Variants in ATR observed in about 807,000 individuals in gnomAD.
ATR encodes the protein ATR checkpoint kinase, also known as serine/threonine-protein kinase ATR.
Under a neutral mutation model 305.3 loss-of-function variants are expected in ATR, and 142 were observed. The observed-to-expected ratio is 0.47, with a 90% confidence interval of 0.41 to 0.53. The LOEUF is 0.53. Among genes scored for constraint, ATR ranks in the 20% least tolerant of loss-of-function variants. The pLI is 0.00. For synonymous variants in ATR, 1,050 were observed against 1,068.1 expected (o/e 0.98, Z 0.33); for missense variants, 2,135 against 3,133.1 (o/e 0.68, Z 7.60).
intron 27 of ATR, among the ~76,000 whole-genome samples, chr3:142,509,464 T>G (rs564782063): frequency 6.6e-6 from 1 of 151,618 alleles, no homozygotes; most frequent in East Asian, 1.9e-4. Flanking sequence ...ACACCTAGCC[T>G]AAGGTAGTAT....
chr3:142,481,310 C>A (rs1401765453), intron 36 of ATR, among the ~76,000 whole-genome samples: 2 of 152,156 alleles, frequency 1.3e-5, no homozygotes, highest in Non-Finnish European at 2.9e-5. Flanking sequence ...ATGAGATGAT[C>A]ATATGGTTTT....
At chr3:142,516,228 G>C (rs1416200896) in intron 24 of ATR, among the ~76,000 whole-genome samples, 1 of 152,058 alleles carries the variant, frequency 6.6e-6, no homozygotes, top group Non-Finnish European at 1.5e-5. Context: ...TAGTCTGTAT[G>C]GTCCTTCACT....
Position 142,499,732 on chromosome 3 carries a change from C to A in ATR, c.5289-14G>T, listed in dbSNP as rs926546429. 7 of 1,607,624 alleles carry A rather than the reference C, an allele frequency of 4.4e-6. No individual in the cohort carries two copies. The African/African-American group carries it at 6.7e-5, about 15-fold the overall frequency. On this transcript the variant is annotated splice_polypyrimidine_tract_variant and intron_variant, in intron 30 of 46. Coordinates refer to ENST00000350721, the MANE Select transcript of ATR (RefSeq NM_001184.4). ...GTCCACTCGGACCTATTAAAAGAAA[C>A]CCATATCAACTAAACTTTAATTTAT...
intron 9 of ATR, 105 bp from the exon 10 acceptor site, chr3:142,556,244 G>A (rs538818680): frequency 2.7e-6 from 4 of 1,505,430 alleles, no homozygotes; most frequent in Non-Finnish European, 3.6e-6. Context: ...AAGCCTAGAA[G>A]GAAAAAATGT....
chr3:142,517,297 A>C (rs1450586101), intron 24 of ATR, among the ~76,000 whole-genome samples: 3 of 151,708 alleles, frequency 2.0e-5, no homozygotes, highest in Non-Finnish European at 4.4e-5. Context: ...CAGTCTCCCA[A>C]ATACAGCCAT....
At chr3:142,554,073 G>A (rs1460958992) in intron 10 of ATR, 58 bp from the exon 11 acceptor site, 14 of 1,386,366 alleles carry the variant, frequency 1.0e-5, no homozygotes, top group African/African-American at 1.5e-5. Flanking sequence ...AGGTTGTACT[G>A]TAAAAATATT....
chr3:142,473,543 T>C (rs888686133), intron 36 of ATR, among the ~76,000 whole-genome samples: 1 of 151,928 alleles, frequency 6.6e-6, no homozygotes, highest in Admixed American at 6.6e-5. Context: ...CCTTCAGCTT[T>C]ATTCTTTTTT....
chr3:142,560,530 A>G, intron 5 of ATR, 76 bp from the exon 6 acceptor site: 2 of 1,400,090 alleles, frequency 1.4e-6, no homozygotes, highest in East Asian at 2.4e-5. Flanking sequence ...TATTTAGAAT[A>G]AAACATACTA....
intron 27 of ATR, among the ~76,000 whole-genome samples, chr3:142,510,864 T>C (rs554444227): frequency 5.3e-5 from 8 of 151,994 alleles, no homozygotes; most frequent in African/African-American, 1.9e-4. Flanking sequence ...ATGAATATAA[T>C]TCTTCTCATC....
In ATR at chr3:142,449,388, TA is replaced by T. The variant is rs2070726026; in HGVS notation, c.*40del. On this transcript the variant is annotated 3_prime_UTR_variant, in exon 47 of 47. Transcript: ENST00000350721. ...AACCACAGATTCATACCAAATGCAT[TA>T]CTTTTAGATTATTAACATATTCTTT... The T allele has an allele frequency of 6.5e-7, 1 of 1,548,304 alleles. No individual in the cohort carries two copies. The highest frequency in any genetic ancestry group is 1.4e-5 in the African/African-American group (1 of 73,368).
Position 142,560,288 on chromosome 3 carries a change from G to C in ATR, c.1516C>G (p.His506Asp), listed in dbSNP as rs781058647. 1 of 1,613,834 alleles carries C rather than the reference G, an allele frequency of 6.2e-7. No homozygotes were observed. Among genetic ancestry groups the C allele is most frequent in the South Asian group, 1.1e-5 (1 of 91,044 alleles). ...CAGTTCATGTTTTGATGAGAACAAT[G>C]AACAGTACACAGAGCAGTCAGTTGT... ...VLQLTALCTV[H>D]CSHQNMNCRT... The change falls in exon 6 of 47, where the codon CAT becomes GAT. Residue 506 changes from histidine (H) to aspartate (D), a missense_variant. Around this residue, in one of 9 missense-constraint regions of ATR, gnomAD observed 744 missense variants for 873.2 expected, o/e 0.85. Transcript: ENST00000350721.
At chr3:142,465,271 G>A (rs769347618) in intron 40 of ATR, 31 bp from the exon 41 acceptor site, 1 of 1,585,584 alleles carries the variant, frequency 6.3e-7, no homozygotes, top group Non-Finnish European at 8.6e-7. Flanking sequence ...TATGAATTAG[G>A]GCCAAAAATT....
In ATR at chr3:142,559,363, G is replaced by A. The variant is rs763088062; in HGVS notation, c.1620C>T (p.Tyr540=). Residue 540 remains tyrosine, a synonymous_variant, in exon 7 of 47, where the codon TAC becomes TAT. Coordinates refer to ENST00000350721, the MANE Select transcript of ATR (RefSeq NM_001184.4). ...VVITWMSLDF[Y]TKVLKSCRSL... ...TTCTACAGCTCTTAAGCACTTTTGT[G>A]TAAAAATCCAATGACATCCAAGTTA... 3 of 1,613,802 alleles carry A rather than the reference G, an allele frequency of 1.9e-6. No individual in the cohort carries two copies. The highest frequency in any genetic ancestry group is 8.5e-7 in the Non-Finnish European group (1 of 1,179,830).
intron 13 of ATR, among the ~76,000 whole-genome samples, chr3:142,551,030 G>A (rs535712358): frequency 8.5e-5 from 13 of 152,228 alleles, no homozygotes; most frequent in African/African-American, 2.2e-4. Context: ...CAGGTGATGC[G>A]CCCACCTTGG....
chr3:142,457,357 T>C (rs1486469096), intron 45 of ATR, among the ~76,000 whole-genome samples: 1 of 152,158 alleles, frequency 6.6e-6, no homozygotes, highest in Non-Finnish European at 1.5e-5. Flanking sequence ...TTTGGGCTGA[T>C]GAAAATGTTT....
chr3:142,514,807 C>CA lies in ATR; in HGVS notation c.4503+587dup, dbSNP rs56770183. ...GGGTGGCAAGAGCAAGACTCCGTCA[C>CA]AAAAAAAAAAAAAAAAAAAAAGAAA... On this transcript the variant is annotated intron_variant, in intron 25 of 46. Transcript: ENST00000350721. 4.3e-3 allele frequency among the ~76,000 whole-genome samples: 429 copies of CA among 99,864 alleles called. 6 individuals carry two copies. Among genetic ancestry groups the CA allele is most frequent in the South Asian group, 0.018 (52 of 2,826 alleles). 65.5% of individuals were successfully genotyped at this position (99,864 alleles called of 152,430 possible).
At chr3:142,519,119 A>T (rs2033033021) in intron 24 of ATR, among the ~76,000 whole-genome samples, 5 of 152,264 alleles carry the variant, frequency 3.3e-5, no homozygotes, top group South Asian at 4.1e-4. Context: ...TTGAACTTTT[A>T]AAAAAATCAA....
chr3:142,575,781 A>T (rs897873622), intron 1 of ATR, among the ~76,000 whole-genome samples: 2 of 152,246 alleles, frequency 1.3e-5, no homozygotes, highest in Non-Finnish European at 2.9e-5. Flanking sequence ...TAAAGGCAGG[A>T]ACAGCCTTGG....
chr3:142,508,558 G>A (rs1184638395), intron 27 of ATR, among the ~76,000 whole-genome samples: 1 of 152,080 alleles, frequency 6.6e-6, no homozygotes, highest in African/African-American at 2.4e-5. Flanking sequence ...CTTTTTTAAA[G>A]TTTAGAATTC....
Sources: gnomAD v4.1 joint callset for allele counts (sites outside exome capture counted in the v4.1 genomes callset) on GRCh38, gnomAD v4.1.1 for gene constraint, gnomAD v4.1.1 regional missense constraint, MANE v1.5 for transcripts, NCBI Gene and HGNC (gene_info 2026-07-23, HGNC 2026-07-21) for gene names.